The following TMEM19 variants were observed in gnomAD, a reference collection of about 807,000 sequenced individuals.
TMEM19 encodes transmembrane protein 19.
TMEM19 carries 21 observed loss-of-function variants against 33.6 expected under a neutral mutation model. The observed-to-expected ratio is 0.62, with a 90% CI of 0.44 to 0.90. TMEM19 has a LOEUF of 0.90. Among genes scored for constraint, TMEM19 ranks in the 40% least tolerant of loss-of-function variants. TMEM19 has a pLI of 0.00. For missense variants in TMEM19, 402 were observed against 401.8 expected (o/e 1.00, Z 0.00); for synonymous variants, 149 against 147.5 (o/e 1.01, Z -0.07).
In TMEM19 at chr12:71,700,992, G is replaced by A. The variant is rs373695076; in HGVS notation, c.1008G>A (p.Gly336=). The change falls in exon 6 of 6, where the codon GGG becomes GGA. Residue 336 remains glycine, a synonymous_variant. Coordinates refer to ENST00000266673, the MANE Select transcript of TMEM19 (RefSeq NM_018279.4). ...CTGCTTGGGGTTTTTGGCCCAGGGGGTGAACTTTATTTCATTTCCACAGGT... is the reference window on the plus strand; with the variant it reads ...CTGCTTGGGGTTTTTGGCCCAGGGGATGAACTTTATTTCATTTCCACAGGT... The part of the protein sequence containing the change: ...PTAAWGFWPR[G] 1 of 1,605,292 alleles carries A rather than the reference G, an allele frequency of 6.2e-7. No homozygotes were observed.
intron 1 of TMEM19, among the ~76,000 whole-genome samples, chr12:71,688,520 C>T (rs748551865): frequency 1.3e-5 from 2 of 152,192 alleles, no homozygotes; most frequent in Non-Finnish European, 2.9e-5. Flanking sequence ...TGAGCCACTG[C>T]GCCCGGCCCA....
intron 1 of TMEM19, 143 bp from the exon 2 acceptor site, chr12:71,689,448 G>A: frequency 1.5e-6 from 1 of 676,230 alleles, no homozygotes; most frequent in Non-Finnish European, 2.7e-6. Context: ...AGTGATGCAT[G>A]ACTATATATT....
At position 71,686,533 on chromosome 12, in the gene TMEM19, A is replaced by T. The variant is rs1881692113; in HGVS notation, c.-148A>T. 2 of 881,452 alleles carry T rather than the reference A, an allele frequency of 2.3e-6. No individual in the cohort carries two copies. Among genetic ancestry groups the T allele is most frequent in the Non-Finnish European group, 3.4e-6 (2 of 593,828 alleles). The allele number at this position is 881,452 out of a possible 1,614,324, so 54.6% of individuals were successfully genotyped here. ...GTAGGAGTTTCCGGAAGGAGTTTGA[A>T]TTTTTGTGATTTTTATGCTTGTTTG... On this transcript the variant is annotated 5_prime_UTR_variant, in exon 1 of 6. Transcript: ENST00000266673.
rs753075981 is a variant in TMEM19 at position 71,699,090 on chromosome 12, G to T, written c.828G>T (p.Gly276=). 1.7e-5 allele frequency: 27 copies of T among 1,613,952 alleles called. No homozygotes were observed. The South Asian group carries it at 3.0e-4, about 18-fold the overall frequency. ...GATCAATTGTGGACTCATACTTAGG[G>T]GCTACAATGCAGTATACTGGTAAGA... The part of the protein sequence containing the change: ...LLGSIVDSYL[G]ATMQYTGLDE... The change falls in exon 5 of 6, where the codon GGG becomes GGT. Residue 276 remains glycine (G), a synonymous_variant. Coordinates refer to ENST00000266673, the MANE Select transcript of TMEM19 (RefSeq NM_018279.4).
chr12:71,697,579 G>A, intron 4 of TMEM19, 45 bp downstream of exon 4: 2 of 1,533,862 alleles, frequency 1.3e-6, no homozygotes, highest in Non-Finnish European at 1.7e-6. Context: ...CACAGTTGGT[G>A]AGTCTTGATT....
At position 71,686,179 on chromosome 12, in the gene TMEM19, G is replaced by A; in HGVS notation, c.-502G>A. 1 of 174,828 alleles carries A rather than the reference G, an allele frequency of 5.7e-6. No individual in the cohort carries two copies. The highest frequency in any genetic ancestry group is 1.1e-4 in the South Asian group (1 of 8,952). The allele number at this position is 174,828 out of a possible 1,614,324, so 10.8% of individuals were successfully genotyped here. On this transcript the variant is annotated 5_prime_UTR_variant, in exon 1 of 6. Coordinates refer to ENST00000266673, the MANE Select transcript of TMEM19 (RefSeq NM_018279.4). The stretch of plus-strand genomic sequence containing the variant: ...TTGGCCGGCTGGACCTGACCCTAGG[G>A]CGGCTTGCGCAGCTGTCGGGACGTG...
At position 71,694,310 on chromosome 12, in the gene TMEM19, G is replaced by GGGGTGTTGTCA. The variant is rs547809985; in HGVS notation, c.245-2123_245-2113dup. ...TGTTTGTGGAAGAGCACAGCAAGAG[G>GGGGTGTTGTCA]GGGTGTTGTCAGGAAAGGCCACTGG... On this transcript the variant is annotated intron_variant, in intron 2 of 5. Transcript: ENST00000266673. Among the ~76,000 whole-genome samples, 98 of 152,288 alleles carry GGGGTGTTGTCA rather than the reference G, an allele frequency of 6.4e-4. 1 individual carries two copies. Among genetic ancestry groups the GGGGTGTTGTCA allele is most frequent in the African/African-American group, 2.3e-3 (96 of 41,550 alleles).
At chr12:71,686,954 C>G (rs1881701652) in intron 1 of TMEM19, 144 bp downstream of exon 1, 2 of 714,382 alleles carry the variant, frequency 2.8e-6, no homozygotes, top group Admixed American at 3.5e-5. Flanking sequence ...ATTTAACTTA[C>G]TAACATGATA....
In TMEM19 at chr12:71,689,578, T is replaced by C. The variant is rs745937054; in HGVS notation, c.131-13T>C. Reference sequence around the variant, plus strand: ...CTTCACACAATTTGTGCTCCACCTTTATAATTTTTCAGGTAACTTACGACC... The same window carrying C: ...CTTCACACAATTTGTGCTCCACCTTCATAATTTTTCAGGTAACTTACGACC... On this transcript the variant is annotated splice_polypyrimidine_tract_variant and intron_variant, in intron 1 of 5. Coordinates refer to ENST00000266673, the MANE Select transcript of TMEM19 (RefSeq NM_018279.4). 2 of 1,609,736 alleles carry C rather than the reference T, an allele frequency of 1.2e-6. No individual in the cohort carries two copies. The highest frequency in any genetic ancestry group is 3.3e-5 in the Admixed American group (2 of 60,022).
At chr12:71,693,782 T>C (rs1881825831) in intron 2 of TMEM19, among the ~76,000 whole-genome samples, 1 of 152,152 alleles carries the variant, frequency 6.6e-6, no homozygotes, top group African/African-American at 2.4e-5. Context: ...CGTGCTGTTC[T>C]CGTGATAGTG....
At chr12:71,699,826 G>C (rs560990979) in intron 5 of TMEM19, 5 of 152,370 alleles carry the variant, frequency 3.3e-5, no homozygotes, top group African/African-American at 1.2e-4. Flanking sequence ...CTATAGCCTG[G>C]GCAACAGAGC....
chr12:71,686,753 A>G lies in TMEM19; in HGVS notation c.73A>G (p.Ile25Val), dbSNP rs1440653097. The G allele has an allele frequency of 1.9e-6, 3 of 1,612,906 alleles. No individual in the cohort carries two copies. Among genetic ancestry groups the G allele is most frequent in the Non-Finnish European group, 2.5e-6 (3 of 1,179,672 alleles). Reference sequence around the variant, plus strand: ...AACTAATATAGTTATACTGAGCCTGATCATTTGCATTTCGTTAGCTTTCTG... The same window carrying G: ...AACTAATATAGTTATACTGAGCCTGGTCATTTGCATTTCGTTAGCTTTCTG... ...MITNIVILSL[I>V]ICISLAFWII... is the part of the protein sequence containing the mutation. Residue 25 changes from isoleucine (I) to valine (V), a missense_variant, in exon 1 of 6, where the codon ATC becomes GTC. By Grantham distance (29) the Ile-to-Val change is conservative. Transcript: ENST00000266673.
At chr12:71,699,939 A>C (rs1329548162) in intron 5 of TMEM19, 1 of 152,230 alleles carries the variant, frequency 6.6e-6, no homozygotes. Flanking sequence ...CCATCCTATC[A>C]GTGTACTCAC....
chr12:71,699,284 T>C (rs924103596), intron 5 of TMEM19, 175 bp downstream of exon 5: 19 of 657,410 alleles, frequency 2.9e-5, no homozygotes, highest in Admixed American at 1.4e-4. Context: ...TGTATTAAAT[T>C]AATTGAAAGA....
In TMEM19 at chr12:71,701,784, A is replaced by G. The variant is rs950670764; in HGVS notation, c.*789A>G. 2.4e-4 allele frequency: 37 copies of G among 152,288 alleles called. No individual in the cohort carries two copies. The highest frequency in any genetic ancestry group is 7.0e-4 in the African/African-American group (29 of 41,568). The allele number at this position is 152,288 out of a possible 1,614,324, so 9.4% of individuals were successfully genotyped here. A position where few individuals can be genotyped will look rare whatever the true frequency, so the allele number is the denominator to read the frequency against. On this transcript the variant is annotated 3_prime_UTR_variant, in exon 6 of 6. Coordinates refer to ENST00000266673, the MANE Select transcript of TMEM19 (RefSeq NM_018279.4). The stretch of plus-strand genomic sequence containing the variant: ...TTTTCTAGCTTTCTTTGAATTATGT[A>G]TGGCAACCTGGTTTAGCACTGGCAT...
At position 71,701,608 on chromosome 12, in the gene TMEM19, T is replaced by A. The variant is rs1031170895; in HGVS notation, c.*613T>A. The A allele has an allele frequency of 6.6e-6, 1 of 152,212 alleles. No homozygotes were observed. Among genetic ancestry groups the A allele is most frequent in the African/African-American group, 2.4e-5 (1 of 41,456 alleles). The allele number at this position is 152,212 out of a possible 1,614,324, so 9.4% of individuals were successfully genotyped here. ...GGTTAGTGATGAAAAAAAGTAAATATCTTTTTCATATGTCCATTAGAATGT... is the reference window on the plus strand; with the variant it reads ...GGTTAGTGATGAAAAAAAGTAAATAACTTTTTCATATGTCCATTAGAATGT... On this transcript the variant is annotated 3_prime_UTR_variant, in exon 6 of 6. Transcript: ENST00000266673.
Position 71,704,165 on chromosome 12 carries a change from C to A in TMEM19, c.*3170C>A. The A allele has an allele frequency of 4.5e-6, 1 of 222,508 alleles. No individual in the cohort carries two copies. The highest frequency in any genetic ancestry group is 9.6e-6 in the Non-Finnish European group (1 of 103,728). The allele number at this position is 222,508 out of a possible 1,614,324, so 13.8% of individuals were successfully genotyped here. A position where few individuals can be genotyped will look rare whatever the true frequency, so the allele number is the denominator to read the frequency against. ...TTGCAGGAGTAGCATGTTGAAAACTCATTAAATGGAGCCACCAAGAGACCA... is the reference window on the plus strand; with the variant it reads ...TTGCAGGAGTAGCATGTTGAAAACTAATTAAATGGAGCCACCAAGAGACCA... On this transcript the variant is annotated 3_prime_UTR_variant, in exon 6 of 6. Transcript: ENST00000266673.
Position 71,697,321 on chromosome 12 carries a change from G to C in TMEM19, c.424G>C (p.Val142Leu), listed in dbSNP as rs1163650096. ...NWVQVFCNGA[V>L]PTELALLYMI... is the part of the protein sequence containing the mutation. The stretch of plus-strand genomic sequence containing the variant: ...GGTTCAGGTGTTCTGTAATGGAGCT[G>C]TACCCACAGAACTGGCCCTGCTGTA... Residue 142 changes from valine to leucine, a missense_variant, in exon 4 of 6, where the codon GTA (valine) becomes CTA (leucine). Transcript: ENST00000266673. 1 of 1,608,332 alleles carries C rather than the reference G, an allele frequency of 6.2e-7. No homozygotes were observed. The highest frequency in any genetic ancestry group is 1.1e-5 in the South Asian group (1 of 89,662).
rs1882034356 is a variant in TMEM19 at position 71,704,210 on chromosome 12, C to T, written c.*3215C>T. On this transcript the variant is annotated 3_prime_UTR_variant, in exon 6 of 6. Coordinates refer to ENST00000266673, the MANE Select transcript of TMEM19 (RefSeq NM_018279.4). ...AGACCAAAGAATTGATACAGCAGGT[C>T]ATTCTATTATTAGCTTTTCTCATTA... 4.7e-6 allele frequency: 1 copy of T among 211,312 alleles called. No homozygotes were observed. Among genetic ancestry groups the T allele is most frequent in the Non-Finnish European group, 1.0e-5 (1 of 99,922 alleles). The allele number at this position is 211,312 out of a possible 1,614,324, so 13.1% of individuals were successfully genotyped here.
Sources: gnomAD v4.1 joint callset for allele counts (sites outside exome capture counted in the v4.1 genomes callset) on GRCh38, gnomAD v4.1.1 for gene constraint, MANE v1.5 for transcripts, NCBI Gene and HGNC (gene_info 2026-07-23, HGNC 2026-07-21) for gene names.